The following MYOM1 variants were observed in gnomAD, a reference collection of about 807,000 sequenced individuals.
The protein encoded by MYOM1 is myomesin-1.
Under a neutral mutation model 205.3 loss-of-function variants are expected in MYOM1, and 164 were observed. The observed-to-expected ratio is 0.80, with a 90% CI of 0.70 to 0.91. MYOM1 has a LOEUF of 0.91. MYOM1 is among the 40% of genes least tolerant of loss of function. MYOM1 has a pLI of 0.00. For missense variants in MYOM1, 2,011 were observed against 2,127.3 expected, an observed-to-expected ratio of 0.95 and a Z score of 1.08; for synonymous variants, 772 against 789.4, an observed-to-expected ratio of 0.98 and a Z score of 0.37.
rs751144034 is a variant in MYOM1, at chr18:3,142,076, A to G, written c.1901-13T>C. The stretch of plus-strand genomic sequence containing the variant: ...GGCACAATACCCTCTGAAAAACAAC[A>G]AGGAAAAATGAGAAGCACACATTCT... On this transcript the variant is annotated splice_polypyrimidine_tract_variant and intron_variant, in intron 13 of 37. Coordinates refer to ENST00000356443, the MANE Select transcript of MYOM1 (RefSeq NM_003803.4). 5.6e-6 allele frequency: 9 copies of G among 1,612,406 alleles called. No individual in the cohort carries two copies. The highest frequency in any genetic ancestry group is 2.2e-5 in the East Asian group (1 of 44,830).
chr18:3,067,750 C>T (rs956412842), intron 37 of MYOM1, among the ~76,000 whole-genome samples, 195 bp from the exon 38 acceptor site: 2 of 152,206 alleles, frequency 1.3e-5, no homozygotes, highest in African/African-American at 4.8e-5. Flanking sequence ...GGGATCTCCT[C>T]AAGGCCTTTT....
At chr18:3,186,537 C>T (rs1002473289) in intron 5 of MYOM1, among the ~76,000 whole-genome samples, 5 of 152,172 alleles carry the variant, frequency 3.3e-5, no homozygotes, top group African/African-American at 1.2e-4. Context: ...GGTTAGGGAT[C>T]AAAAAGTCAT....
rs2081308079 is a variant in MYOM1, at chr18:3,219,569, G to A, written c.-29+234C>T. ...TGACCTCCTTACAGTTCCAGGAACA[G>A]CAGCTTAATTTCAGAAGAATACAGT... On this transcript the variant is annotated intron_variant, in intron 1 of 37. Transcript: ENST00000356443. This position sits in a 1 kb window ranked among gnomAD's most constrained non-coding sequence, Gnocchi z 4.4. Among the ~76,000 whole-genome samples, 1 of 152,186 alleles carries A rather than the reference G, an allele frequency of 6.6e-6. No homozygotes were observed. Among genetic ancestry groups the A allele is most frequent in the South Asian group, 2.1e-4 (1 of 4,830 alleles).
intron 22 of MYOM1, among the ~76,000 whole-genome samples, chr18:3,105,583 G>A (rs2143775579): frequency 6.6e-6 from 1 of 152,152 alleles, no homozygotes; most frequent in East Asian, 1.9e-4. Context: ...GGCCAGGCAT[G>A]GTGGCTCATG....
chr18:3,134,552 T>A (rs2079924452), intron 16 of MYOM1, 98 bp downstream of exon 16: 10 of 1,298,150 alleles, frequency 7.7e-6, no homozygotes, highest in Middle Eastern at 2.8e-4. Flanking sequence ...AAAAGTAAAA[T>A]TTTTTAAAAA....
At chr18:3,071,702 A>G in intron 37 of MYOM1, 132 bp downstream of exon 37, 1 of 872,498 alleles carries the variant, frequency 1.1e-6, no homozygotes. Context: ...ACTCTGGTCA[A>G]GTATAAGCAG....
intron 36 of MYOM1, among the ~76,000 whole-genome samples, chr18:3,073,873 C>A (rs193166354): frequency 6.6e-6 from 1 of 152,118 alleles, no homozygotes; most frequent in African/African-American, 2.4e-5. Flanking sequence ...CTCTCTTTGC[C>A]GAGAGTTTTC....
chr18:3,174,889 A>G (rs567597820), intron 6 of MYOM1, among the ~76,000 whole-genome samples: 14 of 152,370 alleles, frequency 9.2e-5, no homozygotes, highest in African/African-American at 3.1e-4. Flanking sequence ...GTTATAATAC[A>G]GAAACTGGAA....
chr18:3,247,362 A>T, the MYOM1 span: 1 of 152,302 alleles, frequency 6.6e-6, no homozygotes, highest in Non-Finnish European at 1.5e-5. Context: ...GCGGGGCGTC[A>T]AGCGCAGGCG....
chr18:3,166,047 A>G (rs2080464448), intron 9 of MYOM1, among the ~76,000 whole-genome samples: 1 of 152,010 alleles, frequency 6.6e-6, no homozygotes, highest in African/African-American at 2.4e-5. Flanking sequence ...CCATTCCCGT[A>G]TTTCCTCCGA....
intron 3 of MYOM1, among the ~76,000 whole-genome samples, chr18:3,193,332 A>ATATATATATACATATACATATG (rs1555629148): frequency 2.0e-4 from 29 of 144,260 alleles, no homozygotes; most frequent in African/African-American, 7.3e-4. Context: ...ACATATACAT[A>ATATATATATACATATACATATG]TATATGTACA....
At chr18:3,213,982 T>G (rs2081222364) in intron 2 of MYOM1, among the ~76,000 whole-genome samples, 1 of 152,216 alleles carries the variant, frequency 6.6e-6, no homozygotes, top group Non-Finnish European at 1.5e-5. Context: ...ATAACCTTTT[T>G]TCCTCTAGTG....
At chr18:3,220,692 C>T (rs1386627736), upstream of MYOM1, among the ~76,000 whole-genome samples, 1 of 152,182 alleles carries the variant, frequency 6.6e-6, no homozygotes, top group Non-Finnish European at 1.5e-5. Flanking sequence ...CTAGATCCCA[C>T]TATATTGATA....
intron 25 of MYOM1, among the ~76,000 whole-genome samples, chr18:3,097,967 A>C (rs2079326960): frequency 6.6e-6 from 1 of 152,210 alleles, no homozygotes; most frequent in Non-Finnish European, 1.5e-5. Context: ...CTCAAAAGTG[A>C]CACCCCATCT....
chr18:3,101,773 G>A (rs2079379194), intron 23 of MYOM1, among the ~76,000 whole-genome samples: 1 of 152,072 alleles, frequency 6.6e-6, no homozygotes, highest in African/African-American at 2.4e-5. Flanking sequence ...TCAATTGAAT[G>A]TTTCTAATAG....
chr18:3,115,860 G>A (rs950423806), intron 21 of MYOM1, among the ~76,000 whole-genome samples: 3 of 152,284 alleles, frequency 2.0e-5, no homozygotes, highest in Non-Finnish European at 2.9e-5. Flanking sequence ...GAGCTCATGT[G>A]AGAACCGGCC....
rs188763866 is a variant in MYOM1 at position 3,068,244 on chromosome 18, G to T, written c.4765-689C>A. ...TTAATTGAAAAGGATTTAGATAATTGTAAATTCACATGCAGTTGTAAGAAA... is the reference window on the plus strand; with the variant it reads ...TTAATTGAAAAGGATTTAGATAATTTTAAATTCACATGCAGTTGTAAGAAA... On this transcript the variant is annotated intron_variant, in intron 37 of 37. Coordinates refer to ENST00000356443, the MANE Select transcript of MYOM1 (RefSeq NM_003803.4). Among the ~76,000 whole-genome samples, 7 of 151,346 alleles carry T rather than the reference G, an allele frequency of 4.6e-5. No individual in the cohort carries two copies. The East Asian group carries it at 1.4e-3, about 29-fold the overall frequency.
rs1567958675 is a variant in MYOM1, at chr18:3,188,975, T to G, written c.544A>C (p.Lys182Gln). 4 of 1,613,394 alleles carry G rather than the reference T, an allele frequency of 2.5e-6. No homozygotes were observed. Among genetic ancestry groups the G allele is most frequent in the Non-Finnish European group, 3.4e-6 (4 of 1,179,762 alleles). ...LASEEGITTS[K>Q]QSTASKQTTA... ...GTCTGCTTGGATGCCGTGGACTGTTTAGATGTTGTGATTCCTTCCTCACTA... is the reference window on the plus strand; with the variant it reads ...GTCTGCTTGGATGCCGTGGACTGTTGAGATGTTGTGATTCCTTCCTCACTA... The change falls in exon 4 of 38, where the codon AAA becomes CAA. Residue 182 changes from lysine (K) to glutamine (Q), a missense_variant. Physicochemically the swap from Lys to Gln is moderately conservative, Grantham distance 53 (BLOSUM62 1). Transcript: ENST00000356443.
At chr18:3,110,011 C>A (rs1016422579) in intron 22 of MYOM1, among the ~76,000 whole-genome samples, 12 of 152,072 alleles carry the variant, frequency 7.9e-5, no homozygotes, top group African/African-American at 2.9e-4. Context: ...GAAATTAACT[C>A]ATTTCATCCC....
Sources: gnomAD v4.1 joint callset for allele counts (sites outside exome capture counted in the v4.1 genomes callset) on GRCh38, gnomAD v4.1.1 for gene constraint, Gnocchi (gnomAD v3.1) non-coding constraint, MANE v1.5 for transcripts, NCBI Gene and HGNC (gene_info 2026-07-23, HGNC 2026-07-21) for gene names.